The following CAPZA2 variants were observed in gnomAD, a reference collection of about 807,000 sequenced individuals.
The protein encoded by CAPZA2 is capping actin protein of muscle Z-line subunit alpha 2.
CAPZA2 carries 13 observed loss-of-function variants against 44.0 expected under a neutral mutation model. The observed-to-expected ratio is 0.30, with a 90% CI of 0.19 to 0.47. CAPZA2 has a LOEUF of 0.47. Ranked by LOEUF, CAPZA2 falls within the 20% of genes least tolerant of loss-of-function variation. CAPZA2 has a pLI of 1.00. For synonymous variants in CAPZA2, 94 were observed against 108.2 expected, an observed-to-expected ratio of 0.87 and a Z score of 0.81; for missense variants, 244 against 338.6, an observed-to-expected ratio of 0.72 and a Z score of 2.19.
rs1791723676 is a variant in CAPZA2 at position 116,919,038 on chromosome 7, C to T, written c.*1171C>T. The T allele has an allele frequency of 6.6e-6, 1 of 151,246 alleles. No homozygotes were observed. The highest frequency in any genetic ancestry group is 1.5e-5 in the Non-Finnish European group (1 of 67,900). The allele number at this position is 151,246 out of a possible 1,614,324, so 9.4% of individuals were successfully genotyped here. Reference sequence around the variant, plus strand: ...TGATTATACTTGAGTGGAATCCTTTCCTCACGTACTCCCACAGACGTCTGG... The same window carrying T: ...TGATTATACTTGAGTGGAATCCTTTTCTCACGTACTCCCACAGACGTCTGG... On this transcript the variant is annotated 3_prime_UTR_variant, in exon 10 of 10. Transcript: ENST00000361183.
intron 1 of CAPZA2, among the ~76,000 whole-genome samples, chr7:116,877,551 ATTAT>A (rs1350314013): frequency 6.6e-6 from 1 of 152,206 alleles, no homozygotes; most frequent in Non-Finnish European, 1.5e-5. Flanking sequence ...AGTAATAGCC[ATTAT>A]TTGAGTGCTT....
chr7:116,887,208 A>C (rs1230301344), intron 1 of CAPZA2, among the ~76,000 whole-genome samples: 1 of 151,526 alleles, frequency 6.6e-6, no homozygotes, highest in Non-Finnish European at 1.5e-5. Flanking sequence ...TTTTCACTTT[A>C]GTTTAGAAGA....
At chr7:116,877,994 A>G (rs1419113469) in intron 1 of CAPZA2, among the ~76,000 whole-genome samples, 1 of 152,208 alleles carries the variant, frequency 6.6e-6, no homozygotes, top group Non-Finnish European at 1.5e-5. Context: ...TGAGCAAGAG[A>G]CACTCGCTGA....
intron 7 of CAPZA2, among the ~76,000 whole-genome samples, chr7:116,911,191 A>G (rs1169761285): frequency 2.0e-5 from 3 of 152,096 alleles, no homozygotes; most frequent in African/African-American, 7.2e-5. Flanking sequence ...TGTAGGACCA[A>G]AGCTTATTGA....
chr7:116,898,166 A>T (rs1007669583), intron 3 of CAPZA2, among the ~76,000 whole-genome samples: 1 of 151,880 alleles, frequency 6.6e-6, no homozygotes, highest in South Asian at 2.1e-4. Flanking sequence ...CATAAACCAG[A>T]GCCTATCCAG....
chr7:116,904,850 G>T (rs948398283), intron 5 of CAPZA2: 2 of 154,356 alleles, frequency 1.3e-5, no homozygotes, highest in South Asian at 2.0e-4. Context: ...GAAATATATG[G>T]CTGGGCACAG....
intron 4 of CAPZA2, among the ~76,000 whole-genome samples, chr7:116,900,775 A>G (rs1476061913): frequency 6.6e-6 from 1 of 152,124 alleles, no homozygotes; most frequent in East Asian, 1.9e-4. Context: ...GCCTCTGACA[A>G]AGGTTTAAAT....
At chr7:116,879,497 T>A (rs993184048) in intron 1 of CAPZA2, among the ~76,000 whole-genome samples, 1 of 152,184 alleles carries the variant, frequency 6.6e-6, no homozygotes, top group African/African-American at 2.4e-5. Flanking sequence ...GATGGGGGAA[T>A]GTTTTGGGAT....
At chr7:116,888,330 G>T in intron 2 of CAPZA2, 140 bp downstream of exon 2, 1 of 539,762 alleles carries the variant, frequency 1.9e-6, no homozygotes, top group Non-Finnish European at 3.3e-6. Context: ...TGTTAGTCTG[G>T]ATTTTGTAAT....
chr7:116,906,657 G>T (rs1020456408), intron 6 of CAPZA2: 11 of 232,320 alleles, frequency 4.7e-5, no homozygotes, highest in African/African-American at 2.0e-4. Context: ...GTTCCTGAAT[G>T]AAACTTATGT....
chr7:116,890,875 C>T (rs1043595849), intron 2 of CAPZA2, among the ~76,000 whole-genome samples: 2 of 149,154 alleles, frequency 1.3e-5, no homozygotes, highest in African/African-American at 2.5e-5. Flanking sequence ...TTGAAAACCA[C>T]AGTGTCAGAA....
intron 2 of CAPZA2, among the ~76,000 whole-genome samples, chr7:116,892,705 A>G (rs1158514940): frequency 6.6e-6 from 1 of 151,776 alleles, no homozygotes; most frequent in African/African-American, 2.4e-5. Flanking sequence ...GTTCAGAGCT[A>G]TCCTAGGCCA....
rs1791651186 is a variant in CAPZA2 at position 116,914,465 on chromosome 7, A to ACC, written c.658-1594_658-1593insCC. On this transcript the variant is annotated intron_variant, in intron 8 of 9. Coordinates refer to ENST00000361183, the MANE Select transcript of CAPZA2 (RefSeq NM_006136.3). ...CACACACACACACACACACACACAC[A>ACC]CACACGTATTTTTTTGAGACAGGGT... is the stretch of plus-strand genomic sequence containing the variant. Among the ~76,000 whole-genome samples, 4 of 150,828 alleles carry ACC rather than the reference A, an allele frequency of 2.7e-5. 1 individual carries two copies. The South Asian group carries it at 8.4e-4, about 32-fold the overall frequency.
chr7:116,879,140 A>G (rs1027815175), intron 1 of CAPZA2, among the ~76,000 whole-genome samples: 8 of 151,094 alleles, frequency 5.3e-5, no homozygotes, highest in African/African-American at 7.3e-5. Flanking sequence ...AAAAAAAAAA[A>G]AAAAAAAAAG....
intron 5 of CAPZA2, among the ~76,000 whole-genome samples, chr7:116,904,999 G>T (rs1250271575): frequency 1.6e-5 from 2 of 122,292 alleles, no homozygotes; most frequent in Admixed American, 8.8e-5. Flanking sequence ...ACAATTAGCC[G>T]GGCGTGGTAG....
At chr7:116,914,211 A>G (rs1028273184) in intron 8 of CAPZA2, among the ~76,000 whole-genome samples, 1 of 150,728 alleles carries the variant, frequency 6.6e-6, no homozygotes, top group Non-Finnish European at 1.5e-5. Context: ...TTGTATTTTT[A>G]GTAGAGACGG....
Position 116,918,765 on chromosome 7 carries a change from A to G in CAPZA2, c.*898A>G, listed in dbSNP as rs1791720535. The G allele has an allele frequency of 6.6e-6, 1 of 152,170 alleles. No individual in the cohort carries two copies. The highest frequency in any genetic ancestry group is 1.5e-5 in the Non-Finnish European group (1 of 68,022). 9.4% of individuals were successfully genotyped at this position (152,170 alleles called of 1,614,324 possible). ...AGTAGAAAATCACTTACCAGTGAGC[A>G]TATATATTTTAAAATACTTTCTTTG... On this transcript the variant is annotated 3_prime_UTR_variant, in exon 10 of 10. Transcript: ENST00000361183.
Position 116,888,176 on chromosome 7 carries a change from A to G in CAPZA2, c.89A>G (p.Asn30Ser), listed in dbSNP as rs1157630714. Residue 30 changes from asparagine to serine, a missense_variant, in exon 2 of 10, where the codon AAT becomes AGT. Asn to Ser is a conservative substitution (Grantham distance 46). Transcript: ENST00000361183. ...ATTCATGCCCCTCCTGGAGAATTTAATGAGGTTTTCAATGGTGAGTGTTTG... is the reference window on the plus strand; with the variant it reads ...ATTCATGCCCCTCCTGGAGAATTTAGTGAGGTTTTCAATGGTGAGTGTTTG... ...FIIHAPPGEF[N>S]EVFNDVRLLL... 1 of 1,610,602 alleles carries G rather than the reference A, an allele frequency of 6.2e-7. No homozygotes were observed. Among genetic ancestry groups the G allele is most frequent in the Non-Finnish European group, 8.5e-7 (1 of 1,177,962 alleles).
At position 116,907,978 on chromosome 7, in the gene CAPZA2, G is replaced by A. The variant is rs939743880; in HGVS notation, c.506+1636G>A. ...GTAAAATCTAAGTAGTTAATACAAA[G>A]AACTATACTTCAAGCCAGGCATCTG... On this transcript the variant is annotated intron_variant, in intron 6 of 9. Transcript: ENST00000361183. Among the ~76,000 whole-genome samples the A allele has an allele frequency of 6.6e-5, 10 of 152,014 alleles. 1 individual carries two copies. Among genetic ancestry groups the A allele is most frequent in the Admixed American group, 2.6e-4 (4 of 15,242 alleles).
Sources: gnomAD v4.1 joint callset for allele counts (sites outside exome capture counted in the v4.1 genomes callset) on GRCh38, gnomAD v4.1.1 for gene constraint, MANE v1.5 for transcripts, NCBI Gene and HGNC (gene_info 2026-07-23, HGNC 2026-07-21) for gene names.